The following CAPN13 variants were observed in gnomAD, a reference collection of about 807,000 sequenced individuals.
CAPN13 encodes calpain 13, also known as calpain-13.
A neutral mutation model predicts 98.4 loss-of-function variants in CAPN13; 90 were observed. The ratio of observed to expected loss-of-function variants is 0.92; its 90% CI spans 0.77 to 1.09. The LOEUF (loss-of-function observed/expected upper bound fraction) is 1.09. Among genes scored for constraint, CAPN13 ranks in the 50% least tolerant of loss-of-function variants. The pLI, the probability that CAPN13 is intolerant of heterozygous loss-of-function variation, is 0.00. For synonymous variants in CAPN13, 330 were observed against 305.5 expected, an observed-to-expected ratio of 1.08 and a Z score of -0.84; for missense variants, 887 against 841.3, an observed-to-expected ratio of 1.05 and a Z score of -0.67.
At chr2:30,726,725 A>T (rs1670869788) in intron 22 of CAPN13, among the ~76,000 whole-genome samples, 3 of 152,134 alleles carry the variant, frequency 2.0e-5, no homozygotes, top group Non-Finnish European at 4.4e-5. Context: ...TAAAGAAGAT[A>T]TAGAAAAATG....
Position 30,764,163 on chromosome 2 carries a change from C to T in CAPN13, c.668G>A (p.Gly223Asp). ...VKAVKTATKAGSLITCATPSG... is the reference protein window; with the variant it reads ...VKAVKTATKADSLITCATPSG... ...TGGAGTGGCACAGGTTATCAGGGAG[C>T]CTGCCTTGGTCGCTGTCTTCACTGC... The change falls in exon 6 of 23, where the codon GGC becomes GAC. Residue 223 changes from glycine to aspartate, a missense_variant. Transcript: ENST00000295055. The T allele has an allele frequency of 5.7e-6, 9 of 1,587,958 alleles. No homozygotes were observed. The highest frequency in any genetic ancestry group is 7.7e-6 in the Non-Finnish European group (9 of 1,166,798).
At chr2:30,753,286 C>A (rs1672273246) in intron 9 of CAPN13, 88 bp from the exon 10 acceptor site, 1 of 1,386,228 alleles carries the variant, frequency 7.2e-7, no homozygotes, top group African/African-American at 1.4e-5. Flanking sequence ...TAGCCACTGT[C>A]CTGCCCAGAG....
chr2:30,734,966 C>T (rs1328385809), intron 18 of CAPN13, among the ~76,000 whole-genome samples: 2 of 152,232 alleles, frequency 1.3e-5, no homozygotes, highest in Non-Finnish European at 1.5e-5. Flanking sequence ...GGGCTAATTA[C>T]AGTGCCTACC....
At chr2:30,773,618 G>A (rs1673524417) in intron 4 of CAPN13, among the ~76,000 whole-genome samples, 1 of 152,172 alleles carries the variant, frequency 6.6e-6, no homozygotes, top group South Asian at 2.1e-4. Flanking sequence ...AACAAATAGG[G>A]ATATTGTACA....
chr2:30,779,924 T>C (rs556288963), intron 2 of CAPN13, among the ~76,000 whole-genome samples: 7 of 152,250 alleles, frequency 4.6e-5, no homozygotes, highest in Non-Finnish European at 7.4e-5. Flanking sequence ...GAGGGTTACA[T>C]AGACCCAACC....
At chr2:30,760,267 A>G (rs904024342) in intron 7 of CAPN13, among the ~76,000 whole-genome samples, 1 of 152,146 alleles carries the variant, frequency 6.6e-6, no homozygotes, top group Non-Finnish European at 1.5e-5. Flanking sequence ...TTGTATTTTT[A>G]GTAGAGACGG....
intron 9 of CAPN13, 44 bp downstream of exon 9, chr2:30,754,246 G>T: frequency 6.8e-7 from 1 of 1,462,396 alleles, no homozygotes; most frequent in East Asian, 2.4e-5. Flanking sequence ...GAAGACTTGG[G>T]CAATAAAAGA....
chr2:30,777,120 A>G (rs1021801342), intron 3 of CAPN13, among the ~76,000 whole-genome samples: 1 of 152,198 alleles, frequency 6.6e-6, no homozygotes, highest in East Asian at 1.9e-4. Flanking sequence ...GGAACAGCCC[A>G]GGTACCTCCT....
chr2:30,768,357 G>A (rs908107061), intron 5 of CAPN13, among the ~76,000 whole-genome samples: 5 of 152,234 alleles, frequency 3.3e-5, no homozygotes, highest in Non-Finnish European at 5.9e-5. Context: ...CAGAGGAAGT[G>A]GGGGTCCTGA....
In CAPN13 at chr2:30,764,258, G is replaced by A; in HGVS notation, c.573C>T (p.Ala191=). 1.2e-6 allele frequency: 2 copies of A among 1,613,806 alleles called. No homozygotes were observed. The highest frequency in any genetic ancestry group is 1.7e-6 in the Non-Finnish European group (2 of 1,179,846). Residue 191 remains alanine, a synonymous_variant, in exon 6 of 23, where the codon GCC becomes GCT. Coordinates refer to ENST00000295055, the MANE Select transcript of CAPN13 (RefSeq NM_144575.3). The part of the protein sequence containing the change: ...SDLHYGFLED[A]LVDLTGGVIT... ...TCACGCCTCCTGTGAGGTCCACCAG[G>A]GCATCCTCGAGGAAGCCATAGTGCA...
In CAPN13 at chr2:30,765,992, C is replaced by T. The variant is rs150751194; in HGVS notation, c.525-1686G>A. ...AGCCTTCTTTGGTGGTGAGCGTGCC[C>T]GGTTGGGGCTGAGCTCTGGACTCCC... On this transcript the variant is annotated intron_variant, in intron 5 of 22. Coordinates refer to ENST00000295055, the MANE Select transcript of CAPN13 (RefSeq NM_144575.3). 2.4e-3 allele frequency among the ~76,000 whole-genome samples: 360 copies of T among 152,174 alleles called. 3 individuals are homozygous for T. The highest frequency in any genetic ancestry group is 8.1e-3 in the African/African-American group (336 of 41,516).
chr2:30,738,669 T>C (rs1039879573), intron 15 of CAPN13, among the ~76,000 whole-genome samples: 3 of 152,184 alleles, frequency 2.0e-5, no homozygotes, highest in African/African-American at 7.2e-5. Context: ...CTCCTGATGC[T>C]TGGCCCCTGG....
intron 1 of CAPN13, among the ~76,000 whole-genome samples, chr2:30,801,604 T>TAAAAA (rs10609363): frequency 2.5e-5 from 2 of 80,014 alleles, no homozygotes; most frequent in African/African-American, 4.3e-5. Context: ...GACTCAGTCT[T>TAAAAA]AAAAAAAAAA....
intron 7 of CAPN13, among the ~76,000 whole-genome samples, chr2:30,760,839 C>T (rs1037813324): frequency 6.6e-6 from 1 of 152,184 alleles, no homozygotes; most frequent in Admixed American, 6.5e-5. Flanking sequence ...TGAGAATGGG[C>T]CAGCCACATG....
chr2:30,737,984 CA>C (rs2147959067), intron 17 of CAPN13: 1 of 532,248 alleles, frequency 1.9e-6, no homozygotes, highest in African/African-American at 1.9e-5. Flanking sequence ...CACACACACA[CA>C]CACACACACA....
At chr2:30,799,564 C>A (rs1391983057) in intron 1 of CAPN13, among the ~76,000 whole-genome samples, 1 of 152,162 alleles carries the variant, frequency 6.6e-6, no homozygotes, top group Non-Finnish European at 1.5e-5. Context: ...TGACTCCTGT[C>A]CTGCCCCCAG....
Position 30,732,517 on chromosome 2 carries a change from G to A in CAPN13, c.1848C>T (p.Thr616=). 5 of 1,612,024 alleles carry A rather than the reference G, an allele frequency of 3.1e-6. No homozygotes were observed. Among genetic ancestry groups the A allele is most frequent in the Non-Finnish European group, 4.2e-6 (5 of 1,179,162 alleles). ...FISRELLHLV[T]LRYSDSVGRV... ...TGCCGACGCTGTCGCTGTACCTGAG[G>A]GTCACCAGATGCAGCAGCTCACGGC... is the stretch of plus-strand genomic sequence containing the variant. Residue 616 remains threonine (T), a synonymous_variant, in exon 20 of 23, where the codon ACC becomes ACT. Transcript: ENST00000295055.
chr2:30,760,154 C>A (rs1672767538), intron 7 of CAPN13, among the ~76,000 whole-genome samples: 1 of 152,228 alleles, frequency 6.6e-6, no homozygotes, highest in Non-Finnish European at 1.5e-5. Context: ...ACGATCTCGG[C>A]TCACTGCAAG....
At chr2:30,763,212 T>A in intron 6 of CAPN13, 56 bp from the exon 7 acceptor site, 1 of 1,508,010 alleles carries the variant, frequency 6.6e-7, no homozygotes, top group Non-Finnish European at 9.1e-7. Flanking sequence ...TTCAAAGAAA[T>A]AGAAAAACAC....
Sources: gnomAD v4.1 joint callset for allele counts (sites outside exome capture counted in the v4.1 genomes callset) on GRCh38, gnomAD v4.1.1 for gene constraint, MANE v1.5 for transcripts, NCBI Gene and HGNC (gene_info 2026-07-23, HGNC 2026-07-21) for gene names.